Variants in MYOCD observed in about 807,000 individuals in gnomAD.
MYOCD encodes myocardin.
Under a neutral mutation model 96.1 loss-of-function variants are expected in MYOCD, and 32 were observed. That is an observed-to-expected ratio of 0.33 (90% CI 0.25 to 0.45). The LOEUF (loss-of-function observed/expected upper bound fraction) is 0.45, where lower values mean the gene tolerates loss of function less well. Among genes scored for constraint, MYOCD ranks in the 20% least tolerant of loss-of-function variants. MYOCD has a pLI of 1.00. For synonymous variants in MYOCD, 469 were observed against 469.0 expected (o/e 1.00, Z 0.00); for missense variants, 1,133 against 1,200.6 (o/e 0.94, Z 0.83).
chr17:12,755,651 A>G (rs972093953), intron 10 of MYOCD, among the ~76,000 whole-genome samples: 1 of 152,180 alleles, frequency 6.6e-6, no homozygotes, highest in African/African-American at 2.4e-5. Context: ...AGGCGGGTGG[A>G]TCACGAGGTC....
At chr17:12,669,993 T>G (rs1313709415) in intron 1 of MYOCD, among the ~76,000 whole-genome samples, 1 of 151,906 alleles carries the variant, frequency 6.6e-6, no homozygotes, top group Non-Finnish European at 1.5e-5. Flanking sequence ...CCAGATGGGG[T>G]GGGGGTACCA....
At chr17:12,716,385 C>A (rs557982629) in intron 3 of MYOCD, among the ~76,000 whole-genome samples, 1 of 152,268 alleles carries the variant, frequency 6.6e-6, no homozygotes, top group Non-Finnish European at 1.5e-5. Context: ...GGGAGATCCA[C>A]TGTAGTGAGA....
At chr17:12,747,466 A>G (rs1236045327) in intron 9 of MYOCD, among the ~76,000 whole-genome samples, 1 of 152,170 alleles carries the variant, frequency 6.6e-6, no homozygotes, top group Non-Finnish European at 1.5e-5. Context: ...CAACCGAGAG[A>G]AAAGTCATCC....
chr17:12,666,590 A>G (rs1020436013), intron 1 of MYOCD, among the ~76,000 whole-genome samples: 3 of 152,232 alleles, frequency 2.0e-5, no homozygotes, highest in Non-Finnish European at 2.9e-5. Flanking sequence ...GCTGCGTAGT[A>G]TCGGTTATAA....
chr17:12,768,235 A>G lies in MYOCD; in HGVS notation c.*4591A>G, dbSNP rs2033390796. On this transcript the variant is annotated 3_prime_UTR_variant, in exon 14 of 14. Coordinates refer to ENST00000425538, the MANE Select transcript of MYOCD (RefSeq NM_001146312.3). Reference sequence around the variant, plus strand: ...CAAGATCTGGTCAGTTGCGTTAAGGAGCTGGGTTTGATTCTAGAGTCCAGG... The same window carrying G: ...CAAGATCTGGTCAGTTGCGTTAAGGGGCTGGGTTTGATTCTAGAGTCCAGG... The G allele has an allele frequency of 6.6e-6, 1 of 152,162 alleles. No individual in the cohort carries two copies. Among genetic ancestry groups the G allele is most frequent in the South Asian group, 2.1e-4 (1 of 4,820 alleles). 9.4% of individuals were successfully genotyped at this position (152,162 alleles called of 1,614,324 possible).
chr17:12,694,476 C>T (rs1014049911), intron 1 of MYOCD, among the ~76,000 whole-genome samples: 4 of 152,166 alleles, frequency 2.6e-5, no homozygotes, highest in Admixed American at 2.6e-4. Context: ...CACCCAGGGA[C>T]GAATTCCACT....
At chr17:12,749,357 A>G (rs913743877) in intron 9 of MYOCD, among the ~76,000 whole-genome samples, 46 of 151,914 alleles carry the variant, frequency 3.0e-4, no homozygotes, top group African/African-American at 1.1e-3. Context: ...GTGAAACCCC[A>G]TCTCTACTAA....
intron 1 of MYOCD, chr17:12,704,882 A>G (rs2031227632): frequency 2.3e-6 from 1 of 440,866 alleles, no homozygotes; most frequent in Non-Finnish European, 4.1e-6. Flanking sequence ...GAAAATAACA[A>G]TCACTTCAAA....
At chr17:12,726,216 G>A (rs947167534) in intron 5 of MYOCD, among the ~76,000 whole-genome samples, 6 of 152,130 alleles carry the variant, frequency 3.9e-5, no homozygotes, top group East Asian at 1.9e-4. Context: ...TCCCTACAGC[G>A]AGGGTGGCAC....
chr17:12,744,390 C>G lies in MYOCD; in HGVS notation c.925C>G (p.Gln309Glu). 1 of 1,614,038 alleles carries G rather than the reference C, an allele frequency of 6.2e-7. No homozygotes were observed. Among genetic ancestry groups the G allele is most frequent in the East Asian group, 2.2e-5 (1 of 44,866 alleles). ...LQILSQQQQQ[Q>E]QHRFSYLGMH... Reference sequence around the variant, plus strand: ...AATCCTCAGCCAGCAGCAGCAGCAGCAGCAACACCGATTCAGCTACCTAGG... The same window carrying G: ...AATCCTCAGCCAGCAGCAGCAGCAGGAGCAACACCGATTCAGCTACCTAGG... The change falls in exon 8 of 14, where the codon CAG becomes GAG. Residue 309 changes from glutamine (Q) to glutamate (E), a missense_variant. Gln to Glu is a conservative substitution (Grantham distance 29, BLOSUM62 2). Coordinates refer to ENST00000425538, the MANE Select transcript of MYOCD (RefSeq NM_001146312.3).
intron 1 of MYOCD, among the ~76,000 whole-genome samples, chr17:12,696,882 T>C (rs1165382634): frequency 6.6e-6 from 1 of 152,134 alleles, no homozygotes; most frequent in Non-Finnish European, 1.5e-5. Context: ...TACTTGTGTT[T>C]TGGTGAATTC....
In MYOCD at chr17:12,752,847, T is replaced by A. The variant is rs1336645527; in HGVS notation, c.1559T>A (p.Met520Lys). The change falls in exon 10 of 14, where the codon ATG becomes AAG. Residue 520 changes from methionine to lysine, a missense_variant. Physicochemically the swap from Met to Lys is moderately conservative, Grantham distance 95. Transcript: ENST00000425538. Reference sequence around the variant, plus strand: ...GGGCTGGACTCCGAGAAGGACAAGATGCTGGTGGAGAAGCAGAAGGTGATC... The same window carrying A: ...GGGCTGGACTCCGAGAAGGACAAGAAGCTGGTGGAGAAGCAGAAGGTGATC... ...LDGLDSEKDKMLVEKQKVINE... is the reference protein window; with the variant it reads ...LDGLDSEKDKKLVEKQKVINE... The A allele has an allele frequency of 6.2e-7, 1 of 1,613,356 alleles. No individual in the cohort carries two copies. Among genetic ancestry groups the A allele is most frequent in the South Asian group, 1.1e-5 (1 of 90,986 alleles).
chr17:12,698,158 A>C (rs943654821), intron 1 of MYOCD, among the ~76,000 whole-genome samples: 59 of 152,202 alleles, frequency 3.9e-4, no homozygotes, highest in African/African-American at 1.4e-3. Context: ...AGTTTACGGA[A>C]ATTGATCTGC....
chr17:12,709,508 T>C (rs562950980), intron 2 of MYOCD, among the ~76,000 whole-genome samples: 1 of 152,324 alleles, frequency 6.6e-6, no homozygotes, highest in East Asian at 1.9e-4. Context: ...ACCAGGTGCA[T>C]TTACAATGGC....
chr17:12,682,073 G>A (rs1053337045), intron 1 of MYOCD, among the ~76,000 whole-genome samples: 1 of 152,144 alleles, frequency 6.6e-6, no homozygotes, highest in Non-Finnish European at 1.5e-5. Flanking sequence ...GGGCAAGACC[G>A]ACGCAGATAA....
intron 12 of MYOCD, chr17:12,760,399 A>T: frequency 2.2e-6 from 1 of 462,770 alleles, no homozygotes; most frequent in Non-Finnish European, 4.0e-6. Context: ...TTAGTCTTGC[A>T]GGATGAAAAG....
At position 12,719,031 on chromosome 17, in the gene MYOCD, C is replaced by T. The variant is rs377020445; in HGVS notation, c.253+1610C>T. On this transcript the variant is annotated intron_variant, in intron 4 of 13. Transcript: ENST00000425538. The stretch of plus-strand genomic sequence containing the variant: ...TCTACTAAATATACAAAAACTTAGC[C>T]GGGTGTGGTGGTGGGCGCCTGTAGT... Among the ~76,000 whole-genome samples the T allele has an allele frequency of 9.2e-5, 14 of 151,618 alleles. No homozygotes were observed. The East Asian group carries it at 2.1e-3, about 23-fold the overall frequency.
At chr17:12,693,132 A>T (rs944332621) in intron 1 of MYOCD, among the ~76,000 whole-genome samples, 13 of 152,130 alleles carry the variant, frequency 8.5e-5, no homozygotes, top group African/African-American at 2.7e-4. Flanking sequence ...CTCTGACTCA[A>T]TAGGCTTCAC....
intron 1 of MYOCD, among the ~76,000 whole-genome samples, chr17:12,686,064 C>T (rs2030102386): frequency 6.6e-6 from 1 of 152,228 alleles, no homozygotes. Context: ...ATATGCTTTA[C>T]AATCTTGCAG....
Sources: gnomAD v4.1 joint callset for allele counts (sites outside exome capture counted in the v4.1 genomes callset) on GRCh38, gnomAD v4.1.1 for gene constraint, MANE v1.5 for transcripts, NCBI Gene and HGNC (gene_info 2026-07-23, HGNC 2026-07-21) for gene names.